Variants in PTPDC1 observed in about 807,000 individuals in gnomAD.
PTPDC1 encodes the protein protein tyrosine phosphatase domain containing 1.
Under a neutral mutation model 75.3 loss-of-function variants are expected in PTPDC1, and 53 were observed. The observed-to-expected ratio is 0.70, with a 90% CI of 0.56 to 0.88. The LOEUF is 0.88. Among genes scored for constraint, PTPDC1 ranks in the 40% least tolerant of loss-of-function variants. The probability of loss-of-function intolerance (pLI) is 0.00; values close to 1 mark genes in which losing one functional copy is unlikely to be tolerated. For missense variants in PTPDC1, 925 were observed against 998.6 expected (o/e 0.93, Z 0.99); for synonymous variants, 349 against 366.2 (o/e 0.95, Z 0.54).
In PTPDC1 at chr9:94,101,724, C is replaced by T. The variant is rs1827848671; in HGVS notation, c.2172C>T (p.Ala724=). 2 of 1,609,798 alleles carry T rather than the reference C, an allele frequency of 1.2e-6. No homozygotes were observed. The highest frequency in any genetic ancestry group is 1.7e-6 in the Non-Finnish European group (2 of 1,177,554). ...TGTTGGTTGACAGGCGAGCAGATGC[C>T]GCAGAAGCACTTTTTTTATTAGAGA... ...VDMLVDRRAD[A]AEALFLLEKG... Residue 724 remains alanine, a synonymous_variant, in exon 7 of 9, where the codon GCC becomes GCT. Coordinates refer to ENST00000620992, the MANE Select transcript of PTPDC1 (RefSeq NM_001253829.2).
chr9:94,084,496 ACTCTTCCTGC>A lies in PTPDC1; in HGVS notation c.-31_-22del. ...GTTCCTCACTGAGTGAGTGGGGCTG[ACTCTTCCTGC>A]CTCCGGCTCTTGCCTCCCAGTGCCA... On this transcript the variant is annotated 5_prime_UTR_variant, in exon 1 of 9. Transcript: ENST00000620992. 6.2e-7 allele frequency: 1 copy of A among 1,603,650 alleles called. No homozygotes were observed. Among genetic ancestry groups the A allele is most frequent in the Non-Finnish European group, 8.5e-7 (1 of 1,179,546 alleles).
At chr9:94,041,314 G>T (rs894348921) in intron 1 of PTPDC1, among the ~76,000 whole-genome samples, 25 of 152,188 alleles carry the variant, frequency 1.6e-4, no homozygotes, top group Admixed American at 1.6e-3. Context: ...ATTTTCTTCT[G>T]TTCCATCTGA....
Position 94,085,330 on chromosome 9 carries a change from T to G in PTPDC1, c.324T>G (p.Cys108Trp). The G allele has an allele frequency of 6.2e-7, 1 of 1,614,176 alleles. No individual in the cohort carries two copies. The highest frequency in any genetic ancestry group is 2.2e-5 in the East Asian group (1 of 44,886). Reference sequence around the variant, plus strand: ...ATGTCATTCCTGGACACATGGCATGTTCCATGGCGTGTGGCGGTAGAGCTT... The same window carrying G: ...ATGTCATTCCTGGACACATGGCATGGTCCATGGCGTGTGGCGGTAGAGCTT... The part of the protein sequence containing the change: ...LRHVIPGHMA[C>W]SMACGGRACK... Residue 108 changes from cysteine (C) to tryptophan (W), a missense_variant, in exon 2 of 9, where the codon TGT becomes TGG. By Grantham distance (215) the Cys-to-Trp change is radical. Coordinates refer to ENST00000620992, the MANE Select transcript of PTPDC1 (RefSeq NM_001253829.2).
At chr9:94,041,135 G>A (rs1460412274) in intron 1 of PTPDC1, among the ~76,000 whole-genome samples, 2 of 152,124 alleles carry the variant, frequency 1.3e-5, no homozygotes, top group African/African-American at 4.8e-5. Flanking sequence ...GCCTTATCAT[G>A]CCAGGATGTA....
At chr9:94,072,631 A>T (rs1357137197) in intron 2 of PTPDC1, among the ~76,000 whole-genome samples, 3 of 152,118 alleles carry the variant, frequency 2.0e-5, no homozygotes, top group African/African-American at 7.2e-5. Context: ...GAAGGCATTC[A>T]GTCTTTCACC....
rs1017815853 is a variant in PTPDC1 at position 94,036,878 on chromosome 9, G to A, written c.-7+5751G>A. Reference sequence around the variant, plus strand: ...TTCAAGCAGCACCATTTGTTCCCTTGACGCCTGTTTTATCCGGTAATTTGT... The same window carrying A: ...TTCAAGCAGCACCATTTGTTCCCTTAACGCCTGTTTTATCCGGTAATTTGT... On this transcript the variant is annotated intron_variant, in intron 1 of 9. Transcript: ENST00000375360. 3.9e-5 allele frequency among the ~76,000 whole-genome samples: 6 copies of A among 152,188 alleles called. 1 individual carries two copies. The highest frequency in any genetic ancestry group is 8.8e-5 in the Non-Finnish European group (6 of 68,018).
upstream of PTPDC1, among the ~76,000 whole-genome samples, chr9:94,079,488 A>C (rs572801553): frequency 6.6e-6 from 1 of 152,252 alleles, no homozygotes; most frequent in Non-Finnish European, 1.5e-5. Flanking sequence ...TTTTGAGGTC[A>C]GTCTTGAGGT....
intron 1 of PTPDC1, among the ~76,000 whole-genome samples, chr9:94,041,324 A>T (rs1011253746): frequency 6.6e-6 from 1 of 152,174 alleles, no homozygotes; most frequent in African/African-American, 2.4e-5. Context: ...GTTCCATCTG[A>T]TGCTGCCGTT....
chr9:94,090,625 T>C (rs1827279021), intron 4 of PTPDC1, among the ~76,000 whole-genome samples: 2 of 117,082 alleles, frequency 1.7e-5, no homozygotes, highest in Non-Finnish European at 3.4e-5. Flanking sequence ...AGAAAGTCAT[T>C]GGTAGCTTGA....
intron 6 of PTPDC1, 199 bp downstream of exon 6, chr9:94,098,778 TA>T (rs1337183556): frequency 1.7e-6 from 1 of 591,554 alleles, no homozygotes; most frequent in Non-Finnish European, 3.0e-6. Context: ...TGGTTTCATT[TA>T]AATCTGCATA....
At position 94,095,422 on chromosome 9, in the gene PTPDC1, C is replaced by T; in HGVS notation, c.722C>T (p.Ala241Val). ...MTFALQEGKV[A>V]IHCHAGLGRT... ...TTTGCCTTACAGGAAGGAAAAGTAG[C>T]TATCCATTGTCATGCAGGGCTTGGT... Residue 241 changes from alanine to valine, a missense_variant, in exon 5 of 9, where the codon GCT becomes GTT. Transcript: ENST00000620992. 6.2e-7 allele frequency: 1 copy of T among 1,613,694 alleles called. No homozygotes were observed. The highest frequency in any genetic ancestry group is 1.1e-5 in the South Asian group (1 of 90,994).
chr9:94,047,955 G>A (rs10993037), intron 1 of PTPDC1, among the ~76,000 whole-genome samples: 96,535 of 152,074 alleles, frequency 0.63, 32,135 homozygotes, highest in African/African-American at 0.83. Context: ...AAGTCCAGGA[G>A]CAGATGGATT....
chr9:94,098,612 G>A lies in PTPDC1; in HGVS notation c.2013+33G>A, dbSNP rs367603230. 91 of 1,533,166 alleles carry A rather than the reference G, an allele frequency of 5.9e-5. No homozygotes were observed. The African/African-American group carries it at 1.1e-3, about 19-fold the overall frequency. The allele number at this position is 1,533,166 out of a possible 1,614,324, so 95.0% of individuals were successfully genotyped here. A position where few individuals can be genotyped will look rare whatever the true frequency, so the allele number is the denominator to read the frequency against. ...TAGTACTTAATTTAATTATAGATAT[G>A]TGGGAAATATTTATGTCAGGGCAAA... On this transcript the variant is annotated intron_variant, in intron 6 of 8. Transcript: ENST00000620992.
Position 94,098,416 on chromosome 9 carries a change from A to G in PTPDC1, c.1850A>G (p.His617Arg), listed in dbSNP as rs766264998. The G allele has an allele frequency of 3.3e-5, 53 of 1,614,106 alleles. No homozygotes were observed. The highest frequency in any genetic ancestry group is 4.2e-5 in the Non-Finnish European group (50 of 1,180,052). Reference protein sequence around the residue: ...SSPKAQFLVEHETQDSKDLSE... With the variant: ...SSPKAQFLVERETQDSKDLSE... ...CCCAAAGCACAGTTCTTGGTTGAAC[A>G]TGAAACCCAGGACAGTAAAGATCTG... Residue 617 changes from histidine (H) to arginine (R), a missense_variant, in exon 6 of 9, where the codon CAT becomes CGT. By Grantham distance (29) the His-to-Arg change is conservative. Transcript: ENST00000620992.
At position 94,084,598 on chromosome 9, in the gene PTPDC1, G is replaced by T. The variant is rs781076359; in HGVS notation, c.68G>T (p.Arg23Leu). 2.5e-6 allele frequency: 4 copies of T among 1,613,550 alleles called. No homozygotes were observed. Among genetic ancestry groups the T allele is most frequent in the Admixed American group, 3.3e-5 (2 of 59,976 alleles). Reference sequence around the variant, plus strand: ...TTCCTCAGCTCCTTTCTCCAGGGCCGCCGGCACTCCACCTCAGACCCAGTA... The same window carrying T: ...TTCCTCAGCTCCTTTCTCCAGGGCCTCCGGCACTCCACCTCAGACCCAGTA... Reference protein sequence around the residue: ...VRFLSSFLQGRRHSTSDPVLR... With the variant: ...VRFLSSFLQGLRHSTSDPVLR... Residue 23 changes from arginine (R) to leucine (L), a missense_variant, in exon 1 of 9, where the codon CGC becomes CTC. Physicochemically the swap from Arg to Leu is moderately radical, Grantham distance 102. Coordinates refer to ENST00000620992, the MANE Select transcript of PTPDC1 (RefSeq NM_001253829.2).
intron 1 of PTPDC1, among the ~76,000 whole-genome samples, chr9:94,036,151 G>A (rs1825263642): frequency 7.0e-6 from 1 of 143,148 alleles, no homozygotes; most frequent in Non-Finnish European, 1.5e-5. Context: ...TTGTCATTTT[G>A]TTGATTCTTC....
At chr9:94,042,346 C>G (rs1825449998) in intron 1 of PTPDC1, among the ~76,000 whole-genome samples, 1 of 152,110 alleles carries the variant, frequency 6.6e-6, no homozygotes, top group South Asian at 2.1e-4. Flanking sequence ...TCATGTCATG[C>G]ATTTATTATA....
At chr9:94,043,401 G>C (rs531389652) in intron 1 of PTPDC1, among the ~76,000 whole-genome samples, 2 of 152,140 alleles carry the variant, frequency 1.3e-5, no homozygotes, top group East Asian at 3.9e-4. Flanking sequence ...ATGTTTTTTA[G>C]TAGAAATTTT....
intron 5 of PTPDC1, among the ~76,000 whole-genome samples, chr9:94,095,743 A>T (rs895291461): frequency 6.6e-6 from 1 of 152,226 alleles, no homozygotes; most frequent in Non-Finnish European, 1.5e-5. Context: ...ACTATACATT[A>T]TATGTATTAA....
Sources: gnomAD v4.1 joint callset for allele counts (sites outside exome capture counted in the v4.1 genomes callset) on GRCh38, gnomAD v4.1.1 for gene constraint, MANE v1.5 for transcripts, NCBI Gene and HGNC (gene_info 2026-07-23, HGNC 2026-07-21) for gene names.